DNAH2: variants seen among roughly 807,000 people sequenced by gnomAD.
DNAH2 encodes the protein dynein axonemal heavy chain 2, also known as axonemal beta dynein heavy chain 2.
DNAH2 carries 323 observed loss-of-function variants against 523.5 expected under a neutral mutation model. The observed-to-expected ratio is 0.62, with a 90% CI of 0.56 to 0.68. The LOEUF is 0.68. Ranked by LOEUF, DNAH2 falls within the 30% of genes least tolerant of loss-of-function variation. The pLI, the probability that DNAH2 is intolerant of heterozygous loss-of-function variation, is 0.00. For missense variants in DNAH2, 4,907 were observed against 5,701.5 expected, an observed-to-expected ratio of 0.86 and a Z score of 4.49; for synonymous variants, 2,093 against 2,177.4, an observed-to-expected ratio of 0.96 and a Z score of 1.08.
intron 9 of DNAH2, 107 bp from the exon 10 acceptor site, chr17:7,740,313 A>G: frequency 6.6e-7 from 1 of 1,526,632 alleles, no homozygotes; most frequent in Non-Finnish European, 8.8e-7. Flanking sequence ...AGTGCCTGGC[A>G]CACAGGAAGC....
chr17:7,783,374 G>A (rs1296214526), intron 39 of DNAH2, among the ~76,000 whole-genome samples: 2 of 152,146 alleles, frequency 1.3e-5, no homozygotes, highest in Non-Finnish European at 2.9e-5. Context: ...ACTGCGCCGG[G>A]CCAGGATGAC....
At chr17:7,743,784 G>A (rs1471178306) in intron 12 of DNAH2, 1 of 163,218 alleles carries the variant, frequency 6.1e-6, no homozygotes, top group Non-Finnish European at 1.3e-5. Context: ...CCTGACTGTT[G>A]GTGGGGCTGT....
intron 49 of DNAH2, among the ~76,000 whole-genome samples, chr17:7,795,868 G>A (rs2077047465): frequency 1.4e-5 from 2 of 147,186 alleles, no homozygotes; most frequent in African/African-American, 2.5e-5. Context: ...CGTGGTGGTG[G>A]ACACCTGTAA....
intron 58 of DNAH2, among the ~76,000 whole-genome samples, chr17:7,803,624 T>C (rs8066414): frequency 0.83 from 126,333 of 151,758 alleles, 54,416 homozygotes; most frequent in Non-Finnish European, 0.94. Context: ...GAGCTGAGAT[T>C]GCATCATTGC....
chr17:7,779,211 C>T (rs186851017), intron 35 of DNAH2, 32 bp from the exon 36 acceptor site: 14 of 1,606,392 alleles, frequency 8.7e-6, no homozygotes, highest in Admixed American at 3.3e-5. Context: ...GGGCACCTCT[C>T]GCTCCCAGTG....
chr17:7,788,902 C>T (rs139089933), intron 44 of DNAH2, among the ~76,000 whole-genome samples: 1,871 of 152,246 alleles, frequency 0.012, 32 homozygotes, highest in African/African-American at 0.042. Context: ...CGGTGGCTCA[C>T]GCCTGTAATC....
chr17:7,833,349 G>A (rs1447891598), intron 85 of DNAH2, 30 bp from the exon 86 acceptor site: 18 of 1,611,928 alleles, frequency 1.1e-5, no homozygotes, highest in Non-Finnish European at 8.5e-7. Flanking sequence ...GAGGCTCCAG[G>A]GGTCTGACTT....
intron 18 of DNAH2, among the ~76,000 whole-genome samples, chr17:7,762,879 G>A (rs533798778): frequency 1.2e-3 from 174 of 149,270 alleles, no homozygotes; most frequent in Non-Finnish European, 1.8e-3. Context: ...TGAGGAAACC[G>A]AGACTCAAAC....
At chr17:7,768,402 T>C (rs898268861) in intron 24 of DNAH2, 135 bp downstream of exon 24, 19 of 831,614 alleles carry the variant, frequency 2.3e-5, no homozygotes, top group Non-Finnish European at 3.2e-5. Flanking sequence ...TGTCTTTTTC[T>C]CTTTCCTCTT....
intron 70 of DNAH2, 58 bp downstream of exon 70, chr17:7,818,834 C>A: frequency 3.1e-6 from 5 of 1,610,490 alleles, no homozygotes; most frequent in African/African-American, 1.3e-5. Context: ...CCAGCCTCCA[C>A]CCAGTCTACC....
chr17:7,760,086 C>G lies in DNAH2; in HGVS notation c.2785+148C>G, dbSNP rs887676903. 1.6e-6 allele frequency: 2 copies of G among 1,245,262 alleles called. No homozygotes were observed. The highest frequency in any genetic ancestry group is 2.3e-6 in the Non-Finnish European group (2 of 882,990). 77.1% of individuals were successfully genotyped at this position (1,245,262 alleles called of 1,614,324 possible). ...GAAAACTCAGGTCAAGGGGCCAGAT[C>G]GGCTGGCACAGTGGCTTGTGCCTGT... On this transcript the variant is annotated intron_variant, in intron 17 of 85. Transcript: ENST00000572933. The surrounding 1 kb of genome is among the most constrained non-coding windows in gnomAD (Gnocchi z 4.0).
In DNAH2 at chr17:7,760,039, C is replaced by T; in HGVS notation, c.2785+101C>T. ...CAGGGCTATTTCCAGGCATACTGGG[C>T]CAGTCACCTCCCTGACCTGGGGAAA... is the stretch of plus-strand genomic sequence containing the variant. On this transcript the variant is annotated intron_variant, in intron 17 of 85. Transcript: ENST00000572933. The surrounding 1 kb of genome is among the most constrained non-coding windows in gnomAD (Gnocchi z 4.0). 2 of 1,543,456 alleles carry T rather than the reference C, an allele frequency of 1.3e-6. No homozygotes were observed. Among genetic ancestry groups the T allele is most frequent in the Non-Finnish European group, 1.8e-6 (2 of 1,127,390 alleles).
intron 4 of DNAH2, among the ~76,000 whole-genome samples, chr17:7,730,425 A>G (rs2074949963): frequency 6.6e-6 from 1 of 152,250 alleles, no homozygotes; most frequent in Non-Finnish European, 1.5e-5. Context: ...ATGAAACAAT[A>G]TAAATGTAAA....
intron 77 of DNAH2, among the ~76,000 whole-genome samples, chr17:7,829,919 G>C (rs188736696): frequency 1.3e-5 from 2 of 151,914 alleles, no homozygotes; most frequent in Admixed American, 6.6e-5. Flanking sequence ...ACAGCTACTT[G>C]GGAGGCTGGG....
intron 63 of DNAH2, among the ~76,000 whole-genome samples, chr17:7,814,606 G>T (rs1387729313): frequency 6.6e-6 from 1 of 152,246 alleles, no homozygotes; most frequent in Non-Finnish European, 1.5e-5. Context: ...GGGCGTGGTG[G>T]CTCACGCCTG....
In DNAH2 at chr17:7,818,732, G is replaced by A. The variant is rs182622437; in HGVS notation, c.10626G>A (p.Ala3542=). The A allele has an allele frequency of 7.2e-5, 116 of 1,614,008 alleles. No homozygotes were observed. In the East Asian group the frequency reaches 1.5e-3, roughly 21 times the overall value. Residue 3542 remains alanine, a synonymous_variant, in exon 70 of 86, where the codon GCG becomes GCA. Transcript: ENST00000572933. The part of the protein sequence containing the change: ...EQKDSLVINI[A]AGKRKLKELE... Reference sequence around the variant, plus strand: ...AGGACTCACTGGTCATCAACATCGCGGCTGGTAAAAGGAAGCTCAAGGAGC... The same window carrying A: ...AGGACTCACTGGTCATCAACATCGCAGCTGGTAAAAGGAAGCTCAAGGAGC...
chr17:7,726,525 A>G (rs983405687), intron 3 of DNAH2, among the ~76,000 whole-genome samples: 10 of 151,510 alleles, frequency 6.6e-5, no homozygotes, highest in African/African-American at 2.4e-4. Context: ...CTGGTCTCGA[A>G]CTCCCGACCT....
Position 7,768,196 on chromosome 17 carries a change from C to A in DNAH2, c.3870C>A (p.Arg1290=). The A allele has an allele frequency of 6.2e-7, 1 of 1,614,176 alleles. No homozygotes were observed. Among genetic ancestry groups the A allele is most frequent in the Non-Finnish European group, 8.5e-7 (1 of 1,180,038 alleles). Residue 1290 remains arginine, a synonymous_variant, in exon 24 of 86, where the codon CGC becomes CGA. Transcript: ENST00000572933. ...ACTGGGAAATTATTGAAACCACTCG[C>A]TCAAAAATAGAGCAGTTCAAGAGGA... The part of the protein sequence containing the change: ...DRNWEIIETT[R]SKIEQFKRTM...
At position 7,758,484 on chromosome 17, in the gene DNAH2, C is replaced by T; in HGVS notation, c.2052-11C>T. The stretch of plus-strand genomic sequence containing the variant: ...TGTCCCCTCTGGATACCAGGCCTCT[C>T]TTATGCACAGGATTATTGCCATGCT... On this transcript the variant is annotated splice_polypyrimidine_tract_variant and intron_variant, in intron 13 of 85. Coordinates refer to ENST00000572933, the MANE Select transcript of DNAH2 (RefSeq NM_020877.5). The T allele has an allele frequency of 3.1e-6, 5 of 1,612,612 alleles. No individual in the cohort carries two copies. Among genetic ancestry groups the T allele is most frequent in the Non-Finnish European group, 4.2e-6 (5 of 1,179,368 alleles).
Sources: gnomAD v4.1 joint callset for allele counts (sites outside exome capture counted in the v4.1 genomes callset) on GRCh38, gnomAD v4.1.1 for gene constraint, Gnocchi (gnomAD v3.1) non-coding constraint, MANE v1.5 for transcripts, NCBI Gene and HGNC (gene_info 2026-07-23, HGNC 2026-07-21) for gene names.